KLF12: variants seen among roughly 807,000 people sequenced by gnomAD.
KLF12 encodes the protein Krueppel-like factor 12.
KLF12 carries 9 observed loss-of-function variants against 37.8 expected under a neutral mutation model. That is an observed-to-expected ratio of 0.24 (90% CI 0.14 to 0.42). The LOEUF (loss-of-function observed/expected upper bound fraction) is 0.42, where lower values mean the gene tolerates loss of function less well. KLF12 is among the 10% of genes least tolerant of loss of function. The pLI is 1.00. For missense variants in KLF12, 411 were observed against 516.0 expected (o/e 0.80, Z 1.97); for synonymous variants, 208 against 202.1 (o/e 1.03, Z -0.25).
At chr13:73,847,620 T>C (rs553962782) in intron 3 of KLF12, among the ~76,000 whole-genome samples, 12 of 152,168 alleles carry the variant, frequency 7.9e-5, no homozygotes, top group African/African-American at 2.9e-4. Flanking sequence ...TCAACTAAAA[T>C]AGGAAATGGG....
chr13:74,152,383 A>C, the KLF12 span, among the ~76,000 whole-genome samples: 1 of 152,264 alleles, frequency 6.6e-6, no homozygotes, highest in Non-Finnish European at 1.5e-5. Context: ...CTCCCCTCTC[A>C]AACATTAGCT....
intron 2 of KLF12, chr13:73,960,459 C>CA (rs1165564399): frequency 2.8e-5 from 6 of 212,324 alleles, no homozygotes; most frequent in African/African-American, 7.1e-5. Flanking sequence ...AAATGTGAGG[C>CA]AAAAAAAGAG....
At chr13:74,093,238 C>T (rs1875782743) in intron 1 of KLF12, among the ~76,000 whole-genome samples, 1 of 152,140 alleles carries the variant, frequency 6.6e-6, no homozygotes, top group Non-Finnish European at 1.5e-5. Flanking sequence ...AATGCTACAG[C>T]GGGCGGATAA....
chr13:74,116,356 A>G (rs915236996), intron 1 of KLF12, among the ~76,000 whole-genome samples: 2 of 152,242 alleles, frequency 1.3e-5, no homozygotes, highest in African/African-American at 4.8e-5. Context: ...ACCTGCTTTA[A>G]GTGAAGTTTC....
intron 6 of KLF12, among the ~76,000 whole-genome samples, chr13:73,739,349 A>G (rs1877784585): frequency 6.6e-6 from 1 of 152,020 alleles, no homozygotes; most frequent in South Asian, 2.1e-4. Flanking sequence ...AGTGCCTGGT[A>G]AATACCTTAA....
the KLF12 span, among the ~76,000 whole-genome samples, chr13:74,164,659 G>C: frequency 6.6e-6 from 1 of 152,138 alleles, no homozygotes; most frequent in East Asian, 1.9e-4. Context: ...ATATGCTTTT[G>C]GGTTCAAATA....
In KLF12 at chr13:73,902,852, T is replaced by G. The variant is rs139998113; in HGVS notation, c.123+41129A>C. Among the ~76,000 whole-genome samples the G allele has an allele frequency of 5.3e-3, 805 of 152,324 alleles. 16 individuals carry two copies. The South Asian group carries it at 0.076, about 14-fold the overall frequency. On this transcript the variant is annotated intron_variant, in intron 3 of 7. Coordinates refer to ENST00000377669, the MANE Select transcript of KLF12 (RefSeq NM_007249.5). The stretch of plus-strand genomic sequence containing the variant: ...TCAATAAGATGATTGTAACTAGGAT[T>G]GCTGAAAGTTTAACACAAGGAGAAA...
In KLF12 at chr13:73,794,282, G is replaced by A. The variant is rs908440303; in HGVS notation, c.806+18870C>T. Among the ~76,000 whole-genome samples the A allele has an allele frequency of 8.5e-5, 13 of 152,276 alleles. No homozygotes were observed. The South Asian group carries it at 1.0e-3, about 12-fold the overall frequency. ...TCGAGACCAGCCTGGCCAACATGGC[G>A]AAACCCTGTCTCTATTAAAAATACA... On this transcript the variant is annotated intron_variant, in intron 5 of 7. Transcript: ENST00000377669.
the KLF12 span, among the ~76,000 whole-genome samples, chr13:74,284,066 C>A: frequency 2.6e-5 from 4 of 152,096 alleles, no homozygotes; most frequent in African/African-American, 9.6e-5. Flanking sequence ...ACCGTGTTAG[C>A]CAGGATGGTC....
rs1873689134 is a variant in KLF12, at chr13:73,689,402, G to C, written c.*6088C>G. The C allele has an allele frequency of 6.6e-6, 1 of 152,110 alleles. No individual in the cohort carries two copies. The highest frequency in any genetic ancestry group is 2.4e-5 in the African/African-American group (1 of 41,408). The allele number at this position is 152,110 out of a possible 1,614,324, so 9.4% of individuals were successfully genotyped here. On this transcript the variant is annotated 3_prime_UTR_variant, in exon 8 of 8. Coordinates refer to ENST00000377669, the MANE Select transcript of KLF12 (RefSeq NM_007249.5). ...CCTTACCCGATGTGTGACTCTCCAT[G>C]AGTATAATTTTACTGATAGCCTCAG... is the stretch of plus-strand genomic sequence containing the variant.
rs556281736 is a variant in KLF12, at chr13:74,039,275, TTACCTG to T, written c.-31-44228_-31-44223del. Among the ~76,000 whole-genome samples, 5 of 152,298 alleles carry T rather than the reference TTACCTG, an allele frequency of 3.3e-5. No individual in the cohort carries two copies. In the South Asian group the frequency reaches 8.3e-4, roughly 25 times the overall value. On this transcript the variant is annotated intron_variant, in intron 1 of 7. Transcript: ENST00000377669. ...AATTCTCAGCTGGGCACAGTGGCTC[TTACCTG>T]TAATCTTAGTACTTTGAGAGGCTGA...
chr13:73,900,417 G>A (rs1367736741), intron 3 of KLF12, among the ~76,000 whole-genome samples: 2 of 151,988 alleles, frequency 1.3e-5, no homozygotes, highest in African/African-American at 4.8e-5. Flanking sequence ...TCACAAAACA[G>A]GTGTCCATAA....
At chr13:73,876,184 A>AAC (rs1886696260) in intron 3 of KLF12, among the ~76,000 whole-genome samples, 3 of 151,414 alleles carry the variant, frequency 2.0e-5, no homozygotes, top group Non-Finnish European at 4.4e-5. Context: ...TAGCTTGCTG[A>AAC]GTCCTAATCT....
At chr13:73,698,191 G>C (rs1202786107) in intron 7 of KLF12, among the ~76,000 whole-genome samples, 1 of 151,584 alleles carries the variant, frequency 6.6e-6, no homozygotes, top group Non-Finnish European at 1.5e-5. Context: ...AGAGGAAAGG[G>C]GGAGGGGAAA....
the KLF12 span, among the ~76,000 whole-genome samples, chr13:74,165,283 T>C: frequency 5.1e-4 from 76 of 148,084 alleles, 2 homozygotes; most frequent in Admixed American, 5.2e-3. Flanking sequence ...TCAGTGGGCT[T>C]TTCATATTTT....
chr13:74,095,589 G>A (rs2138842777), intron 1 of KLF12, among the ~76,000 whole-genome samples: 1 of 151,776 alleles, frequency 6.6e-6, no homozygotes, highest in South Asian at 2.1e-4. Flanking sequence ...AGGTCTTGCT[G>A]CATAGCTGAG....
At chr13:73,809,676 C>A (rs527636729) in intron 5 of KLF12, among the ~76,000 whole-genome samples, 59 of 152,144 alleles carry the variant, frequency 3.9e-4, no homozygotes, top group Middle Eastern at 3.4e-3. Flanking sequence ...ATCTATATAT[C>A]TACATTTAAG....
At chr13:73,976,101 A>AC (rs397760609) in intron 2 of KLF12, among the ~76,000 whole-genome samples, 14 of 150,534 alleles carry the variant, frequency 9.3e-5, no homozygotes, top group African/African-American at 3.2e-4. Flanking sequence ...ATTAAAAAAA[A>AC]TGTTGAGGAA....
At chr13:73,864,073 A>G (rs1300304967) in intron 3 of KLF12, among the ~76,000 whole-genome samples, 1 of 152,164 alleles carries the variant, frequency 6.6e-6, no homozygotes, top group African/African-American at 2.4e-5. Flanking sequence ...AATATACTAC[A>G]TGTCATAACA....
Sources: gnomAD v4.1 joint callset for allele counts (sites outside exome capture counted in the v4.1 genomes callset) on GRCh38, gnomAD v4.1.1 for gene constraint, MANE v1.5 for transcripts, NCBI Gene and HGNC (gene_info 2026-07-23, HGNC 2026-07-21) for gene names.